Variants in ISG20L2 observed in about 807,000 individuals in gnomAD.
ISG20L2 encodes interferon stimulated exonuclease gene 20 like 2.
In ISG20L2, 14 loss-of-function variants were observed where a neutral mutation model predicts 27.8. The observed-to-expected ratio is 0.50, with a 90% CI of 0.33 to 0.79. ISG20L2 has a LOEUF of 0.79. Among genes scored for constraint, ISG20L2 ranks in the 30% least tolerant of loss-of-function variants. ISG20L2 has a pLI of 0.02. For missense variants in ISG20L2, 393 were observed against 435.1 expected, an observed-to-expected ratio of 0.90 and a Z score of 0.86; for synonymous variants, 157 against 165.7, an observed-to-expected ratio of 0.95 and a Z score of 0.40.
Position 156,728,646 on chromosome 1 carries a change from C to T in ISG20L2, c.-349G>A, listed in dbSNP as rs1648942171. 7.1e-6 allele frequency: 7 copies of T among 985,748 alleles called. No homozygotes were observed. Among genetic ancestry groups the T allele is most frequent in the Non-Finnish European group, 8.4e-6 (7 of 830,018 alleles). 61.1% of individuals were successfully genotyped at this position (985,748 alleles called of 1,614,324 possible). ...CGTGGGTGGGGGCGGGGGCGGGATG[C>T]GCTCCCCGGCCCCTCTAGCCCCGTG... On this transcript the variant is annotated 5_prime_UTR_variant, in exon 1 of 4. Transcript: ENST00000368219.
Position 156,727,764 on chromosome 1 carries a change from T to C in ISG20L2, c.-112A>G. Reference sequence around the variant, plus strand: ...CTGTCCAACATGTGGAGGTCTGTAGTACACCCTGGGGAAGAAAGTGATCCT... The same window carrying C: ...CTGTCCAACATGTGGAGGTCTGTAGCACACCCTGGGGAAGAAAGTGATCCT... On this transcript the variant is annotated 5_prime_UTR_variant, in exon 2 of 4. Coordinates refer to ENST00000368219, the MANE Select transcript of ISG20L2 (RefSeq NM_001370150.2). 1 of 1,503,486 alleles carries C rather than the reference T, an allele frequency of 6.7e-7. No individual in the cohort carries two copies. Among genetic ancestry groups the C allele is most frequent in the South Asian group, 1.4e-5 (1 of 73,190 alleles). 93.1% of individuals were successfully genotyped at this position (1,503,486 alleles called of 1,614,324 possible).
In ISG20L2 at chr1:156,727,718, C is replaced by A. The variant is rs1205274094; in HGVS notation, c.-66G>T. 1.9e-6 allele frequency: 3 copies of A among 1,550,558 alleles called. No homozygotes were observed. The highest frequency in any genetic ancestry group is 2.6e-6 in the Non-Finnish European group (3 of 1,156,510). On this transcript the variant is annotated 5_prime_UTR_variant, in exon 2 of 4. Coordinates refer to ENST00000368219, the MANE Select transcript of ISG20L2 (RefSeq NM_001370150.2). ...TTATGGATGAAAAGAGGATGTGGGA[C>A]TCATTCTCTGCTGAATCCTACTGTC...
chr1:156,722,968 T>G lies in ISG20L2; in HGVS notation c.*381A>C. 5.1e-6 allele frequency: 1 copy of G among 194,520 alleles called. No individual in the cohort carries two copies. Among genetic ancestry groups the G allele is most frequent in the Non-Finnish European group, 1.1e-5 (1 of 92,838 alleles). The allele number at this position is 194,520 out of a possible 1,614,324, so 12.0% of individuals were successfully genotyped here. ...GTTAATTACTCAAGACCAAAAGGCA[T>G]AAAAGGAGACATATGTCCACCCAAG... On this transcript the variant is annotated 3_prime_UTR_variant, in exon 4 of 4. Transcript: ENST00000368219.
In ISG20L2 at chr1:156,723,390, C is replaced by G; in HGVS notation, c.1021G>C (p.Glu341Gln). 1 of 1,614,146 alleles carries G rather than the reference C, an allele frequency of 6.2e-7. No homozygotes were observed. Among genetic ancestry groups the G allele is most frequent in the Non-Finnish European group, 8.5e-7 (1 of 1,180,032 alleles). ...TMELYKLVEV[E>Q]WEEHLARNPP... ...TTCCGGGCTAGGTGCTCTTCCCACT[C>G]GACTTCAACCAACTTATATAGCTCC... The change falls in exon 4 of 4, where the codon GAG (glutamate) becomes CAG (glutamine). Residue 341 changes from glutamate to glutamine, a missense_variant. Transcript: ENST00000368219.
rs1307781078 is a variant in ISG20L2 at position 156,723,257 on chromosome 1, TGTGGAGCTG to T, written c.*83_*91del. The T allele has an allele frequency of 2.0e-5, 29 of 1,471,934 alleles. No homozygotes were observed. The highest frequency in any genetic ancestry group is 2.4e-5 in the South Asian group (2 of 84,586). The allele number at this position is 1,471,934 out of a possible 1,614,324, so 91.2% of individuals were successfully genotyped here. On this transcript the variant is annotated 3_prime_UTR_variant, in exon 4 of 4. Transcript: ENST00000368219. Reference sequence around the variant, plus strand: ...TCTCCCCAAATCTAGCTTCCAAAGATGTGGAGCTGGTGGAGCTGTCCATTGGTCCACTGC... The same window carrying T: ...TCTCCCCAAATCTAGCTTCCAAAGATGTGGAGCTGTCCATTGGTCCACTGC...
intron 2 of ISG20L2, chr1:156,726,019 T>C: frequency 1.0e-6 from 1 of 985,368 alleles, no homozygotes; most frequent in Non-Finnish European, 1.2e-6. Flanking sequence ...CTTCACTTCC[T>C]CTTTCACCCC....
rs1400602612 is a variant in ISG20L2, at chr1:156,722,018, G to A, written c.*1331C>T. The A allele has an allele frequency of 6.6e-6, 1 of 152,002 alleles. No individual in the cohort carries two copies. The highest frequency in any genetic ancestry group is 1.5e-5 in the Non-Finnish European group (1 of 68,012). 9.4% of individuals were successfully genotyped at this position (152,002 alleles called of 1,614,324 possible). A position where few individuals can be genotyped will look rare whatever the true frequency, so the allele number is the denominator to read the frequency against. On this transcript the variant is annotated 3_prime_UTR_variant, in exon 4 of 4. Transcript: ENST00000368219. The stretch of plus-strand genomic sequence containing the variant: ...AATTATTTTAAAACCTACCAACTGG[G>A]GCCTAAATGAAATAAACCCCCTATT...
rs1161248423 is a variant in ISG20L2, at chr1:156,727,137, G to A, written c.516C>T (p.Ser172=). The A allele has an allele frequency of 1.2e-6, 2 of 1,613,964 alleles. No homozygotes were observed. The change falls in exon 2 of 4, where the codon TCC becomes TCT. Residue 172 remains serine, a synonymous_variant. Transcript: ENST00000368219. ...AHSENKCSGA[S]QKLPRKMVAI... ...CCACCATCTTCCGTGGCAACTTCTG[G>A]GATGCTCCGGAGCATTTATTCTCTG...
intron 3 of ISG20L2, chr1:156,723,686 A>G (rs1648631135): frequency 2.0e-6 from 2 of 985,278 alleles, no homozygotes; most frequent in African/African-American, 3.5e-5. Context: ...TTTCTGTGGC[A>G]GTATGTATAA....
At position 156,725,807 on chromosome 1, in the gene ISG20L2, A is replaced by T. The variant is rs1490147151; in HGVS notation, c.747+1099T>A. On this transcript the variant is annotated intron_variant, in intron 2 of 3. Coordinates refer to ENST00000368219, the MANE Select transcript of ISG20L2 (RefSeq NM_001370150.2). ...TTTGCTTGGCTGCGCCCCTTTGTGC[A>T]CAAGATGTTTAACTCTTCTTTCCGT... 4.2e-6 allele frequency: 4 copies of T among 948,624 alleles called. No homozygotes were observed. In the African/African-American group the frequency reaches 7.1e-5, roughly 17 times the overall value. 58.8% of individuals were successfully genotyped at this position (948,624 alleles called of 1,614,324 possible). A position where few individuals can be genotyped will look rare whatever the true frequency, so the allele number is the denominator to read the frequency against.
At chr1:156,726,050 C>T (rs2102623677) in intron 2 of ISG20L2, 2 of 985,432 alleles carry the variant, frequency 2.0e-6, no homozygotes, top group Non-Finnish European at 2.4e-6. Context: ...CTCTCCTTTC[C>T]GTTCATGCCT....
rs1308879587 is a variant in ISG20L2 at position 156,722,256 on chromosome 1, A to G, written c.*1093T>C. On this transcript the variant is annotated 3_prime_UTR_variant, in exon 4 of 4. Transcript: ENST00000368219. ...TCTGTGACATGGAAAGGGACCACAC[A>G]ATTTTAATTTTTTTTTTTTTTTGAG... The G allele has an allele frequency of 2.0e-5, 3 of 149,644 alleles. No individual in the cohort carries two copies. Among genetic ancestry groups the G allele is most frequent in the African/African-American group, 2.5e-5 (1 of 39,896 alleles). The allele number at this position is 149,644 out of a possible 1,614,324, so 9.3% of individuals were successfully genotyped here. A position where few individuals can be genotyped will look rare whatever the true frequency, so the allele number is the denominator to read the frequency against.
chr1:156,728,280 A>G (rs2102629814), intron 1 of ISG20L2, 135 bp downstream of exon 1: 2 of 985,852 alleles, frequency 2.0e-6, no homozygotes, highest in South Asian at 4.7e-5. Flanking sequence ...ATCTCACCCA[A>G]GTCCTTCTCC....
intron 2 of ISG20L2, 22 bp from the exon 3 acceptor site, chr1:156,724,370 A>G: frequency 1.9e-6 from 3 of 1,586,990 alleles, no homozygotes; most frequent in Non-Finnish European, 2.6e-6. Flanking sequence ...GTGGGAAGAG[A>G]GTGGTGAGAA....
Position 156,726,739 on chromosome 1 carries a change from T to C in ISG20L2, c.747+167A>G, listed in dbSNP as rs932139148. 9 of 985,354 alleles carry C rather than the reference T, an allele frequency of 9.1e-6. No individual in the cohort carries two copies. In the African/African-American group the frequency reaches 1.4e-4, roughly 15 times the overall value. The allele number at this position is 985,354 out of a possible 1,614,324, so 61.0% of individuals were successfully genotyped here. On this transcript the variant is annotated intron_variant, in intron 2 of 3. Transcript: ENST00000368219. ...CACCAGCTAATTGTACCTTCCTGAC[T>C]TTCACTGCTTCTTCCACCGACAGGG...
In ISG20L2 at chr1:156,727,587, A is replaced by C; in HGVS notation, c.66T>G (p.Asn22Lys). ...TCTTGACAAAATTTCGGTGCTTGGC[A>C]TTTCCTTCTAATGCCTTTTTGGGAG... ...EPPPKKALEG[N>K]AKHRNFVKKR... The change falls in exon 2 of 4, where the codon AAT becomes AAG. Residue 22 changes from asparagine (N) to lysine (K), a missense_variant. Around this residue, in one of 3 missense-constraint regions of ISG20L2, gnomAD observed 183 missense variants for 168.2 expected, o/e 1.09. Transcript: ENST00000368219. The C allele has an allele frequency of 6.2e-7, 1 of 1,614,140 alleles. No individual in the cohort carries two copies. Among genetic ancestry groups the C allele is most frequent in the Non-Finnish European group, 8.5e-7 (1 of 1,180,004 alleles).
rs1365297239 is a variant in ISG20L2 at position 156,723,225 on chromosome 1, G to A, written c.*124C>T. 25 of 1,218,626 alleles carry A rather than the reference G, an allele frequency of 2.1e-5. No homozygotes were observed. The highest frequency in any genetic ancestry group is 2.9e-5 in the Non-Finnish European group (25 of 854,610). 75.5% of individuals were successfully genotyped at this position (1,218,626 alleles called of 1,614,324 possible). A position where few individuals can be genotyped will look rare whatever the true frequency, so the allele number is the denominator to read the frequency against. The stretch of plus-strand genomic sequence containing the variant: ...CAATGGGTATTAAGTCTGGGGTAGA[G>A]CTTCTCTCTCCCCAAATCTAGCTTC... On this transcript the variant is annotated 3_prime_UTR_variant, in exon 4 of 4. Transcript: ENST00000368219.
Position 156,723,455 on chromosome 1 carries a change from T to C in ISG20L2, c.956A>G (p.Lys319Arg). Residue 319 changes from lysine (K) to arginine (R), a missense_variant, in exon 4 of 4, where the codon AAG (lysine) becomes AGG (arginine). Coordinates refer to ENST00000368219, the MANE Select transcript of ISG20L2 (RefSeq NM_001370150.2). The part of the protein sequence containing the change: ...KLLNRDIQVG[K>R]SGHSSVEDAQ... ...ATCTTCCACAGAGGAATGTCCGCTC[T>C]TCCCAACCTGAGCAAGCAAGGAAGA... The C allele has an allele frequency of 6.2e-7, 1 of 1,614,094 alleles. No individual in the cohort carries two copies. Among genetic ancestry groups the C allele is most frequent in the Admixed American group, 1.7e-5 (1 of 60,016 alleles).
In ISG20L2 at chr1:156,724,789, G is replaced by A. The variant is rs115164702; in HGVS notation, c.748-441C>T. On this transcript the variant is annotated intron_variant, in intron 2 of 3. Coordinates refer to ENST00000368219, the MANE Select transcript of ISG20L2 (RefSeq NM_001370150.2). ...CCCAAAATTACATGCAATTAGATGT[G>A]TATGGGTACTAGAGGAAGAGAATCT... 1.6e-3 allele frequency: 762 copies of A among 484,616 alleles called. 8 individuals carry two copies. Among genetic ancestry groups the A allele is most frequent in the African/African-American group, 0.015 (731 of 47,596 alleles). The allele number at this position is 484,616 out of a possible 1,614,324, so 30.0% of individuals were successfully genotyped here. A position where few individuals can be genotyped will look rare whatever the true frequency, so the allele number is the denominator to read the frequency against.
Sources: allele counts gnomAD v4.1 joint callset, GRCh38; gene constraint gnomAD v4.1.1; regional missense constraint gnomAD v4.1.1; transcripts MANE v1.5; gene names NCBI Gene and HGNC (gene_info 2026-07-23, HGNC 2026-07-21).